The following CLEC5A variants were observed in gnomAD, a reference collection of about 807,000 sequenced individuals.
CLEC5A encodes C-type lectin domain containing 5A, also known as C-type lectin domain family 5 member A.
A neutral mutation model predicts 24.4 loss-of-function variants in CLEC5A; 15 were observed. The ratio of observed to expected loss-of-function variants is 0.62; its 90% CI spans 0.41 to 0.95. CLEC5A has a LOEUF of 0.95. Among genes scored for constraint, CLEC5A ranks in the 40% least tolerant of loss-of-function variants. CLEC5A has a pLI of 0.00. For synonymous variants in CLEC5A, 71 were observed against 72.6 expected (o/e 0.98, Z 0.11); for missense variants, 211 against 224.0 (o/e 0.94, Z 0.37).
intron 4 of CLEC5A, among the ~76,000 whole-genome samples, chr7:141,938,836 T>C (rs2128961570): frequency 6.6e-6 from 1 of 152,302 alleles, no homozygotes; most frequent in African/African-American, 2.4e-5. Context: ...AGTGGAAATC[T>C]TATAGGCCAG....
intron 3 of CLEC5A, 110 bp downstream of exon 3, chr7:141,945,231 C>G (rs782339571): frequency 6.0e-6 from 5 of 829,988 alleles, no homozygotes; most frequent in Non-Finnish European, 8.6e-6. Flanking sequence ...CTTTATGGAC[C>G]CTTTGTACAA....
chr7:141,931,220 G>A (rs1334707306), intron 6 of CLEC5A, among the ~76,000 whole-genome samples: 1 of 152,138 alleles, frequency 6.6e-6, no homozygotes, highest in Non-Finnish European at 1.5e-5. Flanking sequence ...AAAAGACGAA[G>A]CCCTTTTGAT....
rs1554442145 is a variant in CLEC5A at position 141,946,324 on chromosome 7, A to G, written c.-20-12T>C. ...GGAGCTGCAGGGGCCTGTGAAGATT[A>G]GAGCACAGCAGCATCAGAATTCGGG... On this transcript the variant is annotated splice_polypyrimidine_tract_variant and intron_variant, in intron 1 of 6. Coordinates refer to ENST00000546910, the MANE Select transcript of CLEC5A (RefSeq NM_013252.3). 1 of 1,552,102 alleles carries G rather than the reference A, an allele frequency of 6.4e-7. No individual in the cohort carries two copies. Among genetic ancestry groups the G allele is most frequent in the East Asian group, 2.4e-5 (1 of 41,670 alleles).
chr7:141,929,924 C>T lies in CLEC5A; in HGVS notation c.*180G>A. 2 of 573,976 alleles carry T rather than the reference C, an allele frequency of 3.5e-6. No individual in the cohort carries two copies. The highest frequency in any genetic ancestry group is 6.2e-6 in the Non-Finnish European group (2 of 321,666). 35.6% of individuals were successfully genotyped at this position (573,976 alleles called of 1,614,324 possible). On this transcript the variant is annotated 3_prime_UTR_variant, in exon 7 of 7. Transcript: ENST00000546910. The stretch of plus-strand genomic sequence containing the variant: ...ACTGAGTTGTTTCCGTAAAACTGAT[C>T]CTGTCTCCTGGAGATGGCTAGCATC...
intron 2 of CLEC5A, chr7:141,945,723 G>A (rs1802934475): frequency 2.6e-6 from 1 of 391,360 alleles, no homozygotes; most frequent in African/African-American, 2.1e-5. Context: ...GAAGATTCTA[G>A]TTTCTGATTG....
At chr7:141,930,257 A>C in intron 6 of CLEC5A, 39 bp from the exon 7 acceptor site, 1 of 1,492,670 alleles carries the variant, frequency 6.7e-7, no homozygotes, top group Non-Finnish European at 9.3e-7. Flanking sequence ...CAAACAAACA[A>C]AAAACAAAGC....
At chr7:141,931,114 A>T (rs1291750947) in intron 6 of CLEC5A, among the ~76,000 whole-genome samples, 1 of 152,250 alleles carries the variant, frequency 6.6e-6, no homozygotes, top group African/African-American at 2.4e-5. Flanking sequence ...TAGCTTTAAG[A>T]CATAGACAAG....
rs1432560930 is a variant in CLEC5A, at chr7:141,927,999, C to G, written c.*2105G>C. On this transcript the variant is annotated 3_prime_UTR_variant, in exon 7 of 7. Coordinates refer to ENST00000546910, the MANE Select transcript of CLEC5A (RefSeq NM_013252.3). ...AAAGGGTAAGAAAACTGTACTGATT[C>G]ACACAGCATATTAGAAACAAAGTGA... is the stretch of plus-strand genomic sequence containing the variant. The G allele has an allele frequency of 6.6e-6, 1 of 152,068 alleles. No individual in the cohort carries two copies. The highest frequency in any genetic ancestry group is 2.4e-5 in the African/African-American group (1 of 41,432). 9.4% of individuals were successfully genotyped at this position (152,068 alleles called of 1,614,324 possible). A position where few individuals can be genotyped will look rare whatever the true frequency, so the allele number is the denominator to read the frequency against.
intron 4 of CLEC5A, 130 bp from the exon 5 acceptor site, chr7:141,936,080 T>C (rs1484372076): frequency 2.6e-6 from 2 of 778,966 alleles, no homozygotes; most frequent in African/African-American, 3.5e-5. Flanking sequence ...TTATTCTCCA[T>C]CCAGGAAGAA....
chr7:141,946,210 T>A lies in CLEC5A; in HGVS notation c.79+4A>T, dbSNP rs1349615813. On this transcript the variant is annotated splice_donor_region_variant and intron_variant, in intron 2 of 6. Transcript: ENST00000546910. Reference sequence around the variant, plus strand: ...CTGGGGCAAGAGGTTGCTCAAATACTCACAATAAAGTAGAAATAAGGTCAT... The same window carrying A: ...CTGGGGCAAGAGGTTGCTCAAATACACACAATAAAGTAGAAATAAGGTCAT... The A allele has an allele frequency of 1.3e-6, 2 of 1,559,674 alleles. No individual in the cohort carries two copies. The highest frequency in any genetic ancestry group is 4.7e-5 in the East Asian group (2 of 42,484).
At chr7:141,941,540 A>G (rs546305430) in intron 4 of CLEC5A, among the ~76,000 whole-genome samples, 1 of 152,230 alleles carries the variant, frequency 6.6e-6, no homozygotes, top group Non-Finnish European at 1.5e-5. Flanking sequence ...ACTCGCTTTC[A>G]TCACTGTTTT....
chr7:141,934,313 G>A (rs1802551390), intron 5 of CLEC5A, among the ~76,000 whole-genome samples: 1 of 152,174 alleles, frequency 6.6e-6, no homozygotes, highest in Non-Finnish European at 1.5e-5. Context: ...TGTTGGCATA[G>A]AGAGAAAAGG....
Position 141,943,982 on chromosome 7 carries a change from C to A in CLEC5A, c.140-18G>T. 6.6e-7 allele frequency: 1 copy of A among 1,515,206 alleles called. No homozygotes were observed. The highest frequency in any genetic ancestry group is 1.1e-5 in the South Asian group (1 of 88,964). 93.9% of individuals were successfully genotyped at this position (1,515,206 alleles called of 1,614,324 possible). A position where few individuals can be genotyped will look rare whatever the true frequency, so the allele number is the denominator to read the frequency against. On this transcript the variant is annotated intron_variant, in intron 3 of 6. Transcript: ENST00000546910. ...CTGTGAGACTAAAGTGAAAAGTAAA[C>A]CTAAAGGTTATGGTATGATGAATAC...
intron 5 of CLEC5A, among the ~76,000 whole-genome samples, chr7:141,933,841 C>A (rs554036578): frequency 6.6e-6 from 1 of 151,944 alleles, no homozygotes; most frequent in East Asian, 1.9e-4. Context: ...TGCATTCATG[C>A]CCAGAGGGAG....
At chr7:141,934,393 T>C (rs1181500421) in intron 5 of CLEC5A, among the ~76,000 whole-genome samples, 1 of 152,166 alleles carries the variant, frequency 6.6e-6, no homozygotes, top group Non-Finnish European at 1.5e-5. Flanking sequence ...GCCTTCAATC[T>C]TGGGTGACAT....
rs528020002 is a variant in CLEC5A at position 141,929,076 on chromosome 7, T to C, written c.*1028A>G. ...TGACCCTGATGTTCCCTTTTTACTA[T>C]GTGCTTATTCCGTGCCCCCAGCCAA... On this transcript the variant is annotated 3_prime_UTR_variant, in exon 7 of 7. Transcript: ENST00000546910. 6.6e-6 allele frequency: 1 copy of C among 152,212 alleles called. No homozygotes were observed. Among genetic ancestry groups the C allele is most frequent in the African/African-American group, 2.4e-5 (1 of 41,426 alleles). 9.4% of individuals were successfully genotyped at this position (152,212 alleles called of 1,614,324 possible).
chr7:141,944,963 T>C (rs558038651), intron 3 of CLEC5A, among the ~76,000 whole-genome samples: 2 of 152,268 alleles, frequency 1.3e-5, no homozygotes, highest in African/African-American at 2.4e-5. Context: ...TCAGTAGTAA[T>C]AGGTGTCTTA....
intron 5 of CLEC5A, among the ~76,000 whole-genome samples, chr7:141,935,048 G>T (rs1802578739): frequency 6.6e-6 from 1 of 152,182 alleles, no homozygotes; most frequent in Middle Eastern, 3.4e-3. Context: ...GCCCTAGAGG[G>T]TTTGTAGCAT....
intron 4 of CLEC5A, 112 bp downstream of exon 4, chr7:141,943,784 G>C (rs569615724): frequency 3.2e-5 from 24 of 751,582 alleles, no homozygotes; most frequent in Non-Finnish European, 5.0e-5. Context: ...GGTCGTTATG[G>C]TCCCTTTGAG....
Sources: allele counts gnomAD v4.1 joint callset (sites outside exome capture counted in the v4.1 genomes callset), GRCh38; gene constraint gnomAD v4.1.1; transcripts MANE v1.5; gene names NCBI Gene and HGNC (gene_info 2026-07-23, HGNC 2026-07-21).